The following AGPAT5 variants were observed in gnomAD, a reference collection of about 807,000 sequenced individuals.
AGPAT5 encodes 1-acylglycerol-3-phosphate O-acyltransferase 5.
Under a neutral mutation model 45.6 loss-of-function variants are expected in AGPAT5, and 46 were observed. The observed-to-expected ratio is 1.01, with a 90% CI of 0.80 to 1.29. The LOEUF (loss-of-function observed/expected upper bound fraction) is 1.29. Among genes scored for constraint, AGPAT5 ranks in the 50% most tolerant of loss-of-function variants. AGPAT5 has a pLI of 0.00. For synonymous variants in AGPAT5, 272 were observed against 167.0 expected, an observed-to-expected ratio of 1.63 and a Z score of -4.85; for missense variants, 673 against 450.7, an observed-to-expected ratio of 1.49 and a Z score of -4.47.
chr8:6,739,793 A>T (rs946352858), intron 4 of AGPAT5, among the ~76,000 whole-genome samples: 6 of 152,060 alleles, frequency 3.9e-5, no homozygotes, highest in African/African-American at 1.4e-4. Context: ...TACAGCCTTG[A>T]CTAGAACTGG....
Position 6,724,951 on chromosome 8 carries a change from A to C in AGPAT5, c.289+12A>C. 2 of 1,109,536 alleles carry C rather than the reference A, an allele frequency of 1.8e-6. No individual in the cohort carries two copies. Among genetic ancestry groups the C allele is most frequent in the Non-Finnish European group, 2.4e-6 (2 of 843,314 alleles). 68.7% of individuals were successfully genotyped at this position (1,109,536 alleles called of 1,614,324 possible). A position where few individuals can be genotyped will look rare whatever the true frequency, so the allele number is the denominator to read the frequency against. On this transcript the variant is annotated intron_variant, in intron 2 of 7. Transcript: ENST00000285518. ...TCATCAAAGCACAGGTTTGTATTTC[A>C]TTTGCATGAAACATAGGTTTTTCTA...
chr8:6,712,844 A>T (rs934523664), intron 1 of AGPAT5, among the ~76,000 whole-genome samples: 10 of 152,242 alleles, frequency 6.6e-5, no homozygotes, highest in African/African-American at 2.4e-4. Flanking sequence ...TGTGAAGCTG[A>T]TAAATGTTAA....
At position 6,755,036 on chromosome 8, in the gene AGPAT5, T is replaced by G. The variant is rs778041069; in HGVS notation, c.746-15T>G. On this transcript the variant is annotated splice_polypyrimidine_tract_variant and intron_variant, in intron 6 of 7. Transcript: ENST00000285518. The stretch of plus-strand genomic sequence containing the variant: ...AAAATAGTAAAAAAAAAGAATTATT[T>G]TTGTTCTTTGTTAGAATTTCTCTGC... The G allele has an allele frequency of 3.8e-6, 6 of 1,562,170 alleles. No individual in the cohort carries two copies. The highest frequency in any genetic ancestry group is 4.3e-6 in the Non-Finnish European group (5 of 1,156,606).
At chr8:6,711,971 T>G (rs1326529682) in intron 1 of AGPAT5, among the ~76,000 whole-genome samples, 1 of 152,214 alleles carries the variant, frequency 6.6e-6, no homozygotes, top group African/African-American at 2.4e-5. Context: ...TTTTTCCAAA[T>G]AAGAAAACAT....
intron 6 of AGPAT5, among the ~76,000 whole-genome samples, chr8:6,748,167 T>C (rs987426714): frequency 3.3e-5 from 5 of 152,182 alleles, no homozygotes; most frequent in African/African-American, 9.7e-5. Flanking sequence ...ACGTTATTAG[T>C]CAGTGCTGCC....
intron 4 of AGPAT5, among the ~76,000 whole-genome samples, chr8:6,736,949 G>C (rs757572786): frequency 2.6e-5 from 4 of 152,168 alleles, no homozygotes; most frequent in Non-Finnish European, 2.9e-5. Flanking sequence ...GCTTACTTCT[G>C]CTTTACTGTG....
At chr8:6,731,935 C>T (rs879515705) in intron 3 of AGPAT5, among the ~76,000 whole-genome samples, 8 of 152,180 alleles carry the variant, frequency 5.3e-5, no homozygotes, top group Non-Finnish European at 8.8e-5. Context: ...GGCACTGCTT[C>T]CTCTTCTTAG....
At chr8:6,733,317 C>A (rs563023641) in intron 4 of AGPAT5, among the ~76,000 whole-genome samples, 1 of 152,306 alleles carries the variant, frequency 6.6e-6, no homozygotes, top group East Asian at 1.9e-4. Flanking sequence ...CCTTTCCTTT[C>A]TGGCTCCCTC....
rs775672688 is a variant in AGPAT5, at chr8:6,757,440, G to T, written c.*52G>T. 2.8e-6 allele frequency: 4 copies of T among 1,407,226 alleles called. No individual in the cohort carries two copies. The African/African-American group carries it at 4.3e-5, about 15-fold the overall frequency. The allele number at this position is 1,407,226 out of a possible 1,614,324, so 87.2% of individuals were successfully genotyped here. On this transcript the variant is annotated 3_prime_UTR_variant, in exon 8 of 8. Coordinates refer to ENST00000285518, the MANE Select transcript of AGPAT5 (RefSeq NM_018361.5). ...ATGTGCTACATTGTCTATTTTTGGCGGCTGCACATGACATCAAATTGTTTC... is the reference window on the plus strand; with the variant it reads ...ATGTGCTACATTGTCTATTTTTGGCTGCTGCACATGACATCAAATTGTTTC...
intron 4 of AGPAT5, among the ~76,000 whole-genome samples, chr8:6,736,296 C>T (rs1305273969): frequency 2.6e-5 from 4 of 152,164 alleles, no homozygotes; most frequent in Non-Finnish European, 5.9e-5. Flanking sequence ...CCACTAATGT[C>T]CTTTTTCTGT....
chr8:6,752,737 G>A (rs889670078), intron 6 of AGPAT5, among the ~76,000 whole-genome samples: 14 of 152,102 alleles, frequency 9.2e-5, no homozygotes, highest in Non-Finnish European at 1.6e-4. Context: ...GGTGCTATAG[G>A]GTGATTTTTA....
intron 1 of AGPAT5, among the ~76,000 whole-genome samples, chr8:6,712,947 A>G (rs1382294961): frequency 6.6e-6 from 1 of 152,142 alleles, no homozygotes; most frequent in Non-Finnish European, 1.5e-5. Flanking sequence ...CTGAAAACTG[A>G]TCATTGAAAT....
At chr8:6,729,421 G>A (rs1341707622) in intron 2 of AGPAT5, among the ~76,000 whole-genome samples, 1 of 151,330 alleles carries the variant, frequency 6.6e-6, no homozygotes, top group Admixed American at 6.6e-5. Flanking sequence ...GAACATGGGT[G>A]ATGATAGAAT....
At chr8:6,737,059 C>G (rs1224010911) in intron 4 of AGPAT5, among the ~76,000 whole-genome samples, 1 of 152,188 alleles carries the variant, frequency 6.6e-6, no homozygotes, top group Non-Finnish European at 1.5e-5. Context: ...AAGGTTGATT[C>G]AAATAACCTA....
chr8:6,716,996 A>C (rs988486029), intron 1 of AGPAT5, among the ~76,000 whole-genome samples: 2 of 152,198 alleles, frequency 1.3e-5, no homozygotes, highest in Non-Finnish European at 2.9e-5. Flanking sequence ...AGGGTACCCA[A>C]GTCTAGTGAG....
At chr8:6,739,470 G>A (rs1354495011) in intron 4 of AGPAT5, among the ~76,000 whole-genome samples, 1 of 152,036 alleles carries the variant, frequency 6.6e-6, no homozygotes, top group African/African-American at 2.4e-5. Context: ...AGTGTGTTTT[G>A]TAGTTTAATG....
Position 6,759,425 on chromosome 8 carries a change from G to A in AGPAT5, c.*2037G>A, listed in dbSNP as rs1801957571. The A allele has an allele frequency of 6.6e-6, 1 of 152,062 alleles. No homozygotes were observed. Among genetic ancestry groups the A allele is most frequent in the African/African-American group, 2.4e-5 (1 of 41,408 alleles). 9.4% of individuals were successfully genotyped at this position (152,062 alleles called of 1,614,324 possible). A position where few individuals can be genotyped will look rare whatever the true frequency, so the allele number is the denominator to read the frequency against. ...TATCAAAATGTTTGGAAAATTAGAA[G>A]CTTCTCCTTAACCTGTATTGATACT... is the stretch of plus-strand genomic sequence containing the variant. On this transcript the variant is annotated 3_prime_UTR_variant, in exon 8 of 8. Transcript: ENST00000285518.
intron 1 of AGPAT5, among the ~76,000 whole-genome samples, chr8:6,714,413 T>C (rs1800254441): frequency 6.6e-6 from 1 of 152,214 alleles, no homozygotes; most frequent in South Asian, 2.1e-4. Flanking sequence ...ACTGCTTAAC[T>C]TACTAGACTT....
chr8:6,750,316 C>T (rs1394498969), intron 6 of AGPAT5, among the ~76,000 whole-genome samples: 1 of 152,194 alleles, frequency 6.6e-6, no homozygotes, highest in Admixed American at 6.5e-5. Context: ...TCCAACCTCC[C>T]ACTGCCCTGC....
Sources: gnomAD v4.1 joint callset for allele counts (sites outside exome capture counted in the v4.1 genomes callset) on GRCh38, gnomAD v4.1.1 for gene constraint, MANE v1.5 for transcripts, NCBI Gene and HGNC (gene_info 2026-07-23, HGNC 2026-07-21) for gene names.